The following SNTB1 variants were observed in gnomAD, a reference collection of about 807,000 sequenced individuals.
SNTB1 encodes the protein beta-1-syntrophin.
SNTB1 carries 36 observed loss-of-function variants against 48.9 expected under a neutral mutation model. That is an observed-to-expected ratio of 0.74 (90% CI 0.56 to 0.97). SNTB1 has a LOEUF of 0.97. Ranked by LOEUF, SNTB1 falls within the 50% of genes least tolerant of loss-of-function variation. SNTB1 has a pLI of 0.00. For missense variants in SNTB1, 786 were observed against 703.4 expected, an observed-to-expected ratio of 1.12 and a Z score of -1.33; for synonymous variants, 299 against 294.6, an observed-to-expected ratio of 1.01 and a Z score of -0.15.
intron 3 of SNTB1, among the ~76,000 whole-genome samples, chr8:120,623,132 T>A (rs1816820023): frequency 1.3e-5 from 2 of 152,306 alleles, no homozygotes; most frequent in South Asian, 4.1e-4. Flanking sequence ...CTTCACTCAC[T>A]TCCTTACAGG....
At chr8:120,551,254 C>CAAAAAAAAAA (rs11304538) in intron 4 of SNTB1, among the ~76,000 whole-genome samples, 2 of 80,678 alleles carry the variant, frequency 2.5e-5, no homozygotes, top group African/African-American at 4.3e-5. Flanking sequence ...GACTCCATCT[C>CAAAAAAAAAA]AAAAAAAAAA....
At chr8:120,785,714 G>A (rs1819913317) in intron 1 of SNTB1, among the ~76,000 whole-genome samples, 1 of 144,406 alleles carries the variant, frequency 6.9e-6, no homozygotes, top group African/African-American at 2.5e-5. Flanking sequence ...CACTGCCTGA[G>A]ACCCCAGAGT....
At chr8:120,811,180 T>G (rs1010785127) in intron 1 of SNTB1, 93 bp downstream of exon 1, 16 of 1,469,890 alleles carry the variant, frequency 1.1e-5, no homozygotes, top group South Asian at 2.7e-5. Context: ...TGTGTCCGCA[T>G]GTGGCCGAGT....
At chr8:120,618,180 GC>G (rs888009498) in intron 3 of SNTB1, among the ~76,000 whole-genome samples, 1 of 152,024 alleles carries the variant, frequency 6.6e-6, no homozygotes, top group Non-Finnish European at 1.5e-5. Context: ...CTTCCTTTGA[GC>G]CCCCACTGAT....
In SNTB1 at chr8:120,639,235, G is replaced by A. The variant is rs564975052; in HGVS notation, c.789-6584C>T. Among the ~76,000 whole-genome samples the A allele has an allele frequency of 2.0e-5, 3 of 152,122 alleles. No homozygotes were observed. In the South Asian group the frequency reaches 6.2e-4, roughly 32 times the overall value. On this transcript the variant is annotated intron_variant, in intron 2 of 6. Coordinates refer to ENST00000517992, the MANE Select transcript of SNTB1 (RefSeq NM_021021.4). ...ATATCCTTTGCTCACTTTTTGATGG[G>A]GTTGTTTTTTTCTTGTAAATTTGTT...
chr8:120,771,072 G>A (rs370780554), intron 1 of SNTB1, among the ~76,000 whole-genome samples: 7 of 152,160 alleles, frequency 4.6e-5, no homozygotes, highest in East Asian at 3.9e-4. Flanking sequence ...ATATCACTAC[G>A]TGGGAGGAGA....
At chr8:120,619,310 TAGAGAG>T (rs752369440) in intron 3 of SNTB1, among the ~76,000 whole-genome samples, 1 of 146,866 alleles carries the variant, frequency 6.8e-6, no homozygotes, top group Non-Finnish European at 1.5e-5. Context: ...TATATATATA[TAGAGAG>T]AGAGAGAGAG....
At chr8:120,563,936 A>G (rs1815704960) in intron 4 of SNTB1, among the ~76,000 whole-genome samples, 1 of 152,046 alleles carries the variant, frequency 6.6e-6, no homozygotes, top group Admixed American at 6.6e-5. Context: ...GTGAAACCCC[A>G]TTCTACTAAA....
chr8:120,794,479 T>TTATA (rs747599760), intron 1 of SNTB1, among the ~76,000 whole-genome samples: 1 of 147,486 alleles, frequency 6.8e-6, no homozygotes, highest in Non-Finnish European at 1.5e-5. Flanking sequence ...ATGTACTATT[T>TTATA]TATATATATA....
intron 1 of SNTB1, chr8:120,765,970 T>C (rs553179807): frequency 1.3e-5 from 2 of 152,286 alleles, no homozygotes; most frequent in African/African-American, 4.8e-5. Flanking sequence ...AACCCCTAAT[T>C]TGTAAAGCCA....
intron 1 of SNTB1, chr8:120,775,376 T>C (rs533122073): frequency 5.8e-4 from 88 of 152,244 alleles, no homozygotes; most frequent in African/African-American, 2.1e-3. Context: ...ACTGTTGCGG[T>C]GAAGTCCTGC....
intron 1 of SNTB1, among the ~76,000 whole-genome samples, chr8:120,805,395 C>T (rs955752452): frequency 6.6e-6 from 1 of 151,974 alleles, no homozygotes; most frequent in African/African-American, 2.4e-5. Context: ...AAAGTAATCA[C>T]AAGGGTCCTT....
chr8:120,800,564 A>G (rs1348296517), intron 1 of SNTB1, among the ~76,000 whole-genome samples: 2 of 152,112 alleles, frequency 1.3e-5, no homozygotes, highest in African/African-American at 4.8e-5. Flanking sequence ...GAGGATGGTC[A>G]TGCATCAGAC....
chr8:120,543,674 G>A (rs772387670), intron 5 of SNTB1, among the ~76,000 whole-genome samples: 1 of 152,116 alleles, frequency 6.6e-6, no homozygotes, highest in Non-Finnish European at 1.5e-5. Context: ...CAGTAGGCGG[G>A]GAGGCCTCCA....
At chr8:120,798,495 C>T (rs144606309) in intron 1 of SNTB1, among the ~76,000 whole-genome samples, 4 of 152,136 alleles carry the variant, frequency 2.6e-5, no homozygotes, top group South Asian at 4.1e-4. Flanking sequence ...AAAGGACAGC[C>T]TCCACAATGA....
At chr8:120,790,810 A>T (rs957911810) in intron 1 of SNTB1, among the ~76,000 whole-genome samples, 1 of 151,914 alleles carries the variant, frequency 6.6e-6, no homozygotes, top group African/African-American at 2.4e-5. Flanking sequence ...AAATGGACAT[A>T]CTGCCCAAAG....
Position 120,538,426 on chromosome 8 carries a change from A to G in SNTB1, c.*451T>C, listed in dbSNP as rs1046217622. On this transcript the variant is annotated 3_prime_UTR_variant, in exon 7 of 7. Transcript: ENST00000517992. ...AGCAAGAATTAGGAAATAAATCACAATAAGAAAAGGGATCACTGTTACTGG... is the reference window on the plus strand; with the variant it reads ...AGCAAGAATTAGGAAATAAATCACAGTAAGAAAAGGGATCACTGTTACTGG... The G allele has an allele frequency of 5.1e-6, 1 of 196,376 alleles. No individual in the cohort carries two copies. The highest frequency in any genetic ancestry group is 5.0e-5 in the Admixed American group (1 of 20,142). 12.2% of individuals were successfully genotyped at this position (196,376 alleles called of 1,614,324 possible).
intron 1 of SNTB1, among the ~76,000 whole-genome samples, chr8:120,768,320 T>C (rs1249093166): frequency 1.3e-5 from 2 of 152,194 alleles, no homozygotes; most frequent in Non-Finnish European, 1.5e-5. Context: ...CAGTAGTGAT[T>C]GGTGCATGGC....
intron 1 of SNTB1, among the ~76,000 whole-genome samples, chr8:120,762,371 C>G (rs1819436837): frequency 6.6e-6 from 1 of 152,082 alleles, no homozygotes; most frequent in Non-Finnish European, 1.5e-5. Flanking sequence ...AAATGTTTAC[C>G]AGGATGAGAC....
Sources: gnomAD v4.1 joint callset for allele counts (sites outside exome capture counted in the v4.1 genomes callset) on GRCh38, gnomAD v4.1.1 for gene constraint, MANE v1.5 for transcripts, NCBI Gene and HGNC (gene_info 2026-07-23, HGNC 2026-07-21) for gene names.